ZSCAN5A: variants seen among roughly 807,000 people sequenced by gnomAD.
ZSCAN5A encodes zinc finger and SCAN domain-containing protein 5A.
In ZSCAN5A, 12 loss-of-function variants were observed where a neutral mutation model predicts 23.7. The ratio of observed to expected loss-of-function variants is 0.51; its 90% CI spans 0.32 to 0.82. ZSCAN5A has a LOEUF of 0.82. ZSCAN5A is among the 40% of genes least tolerant of loss of function. The pLI is 0.03. For missense variants in ZSCAN5A, 597 were observed against 617.9 expected, an observed-to-expected ratio of 0.97 and a Z score of 0.36; for synonymous variants, 257 against 239.9, an observed-to-expected ratio of 1.07 and a Z score of -0.66.
chr19:56,245,780 A>ATTGAGTG (rs2035840041), intron 2 of ZSCAN5A, among the ~76,000 whole-genome samples: 32 of 152,096 alleles, frequency 2.1e-4, no homozygotes, highest in Admixed American at 2.1e-3. Context: ...CAGATTGTCA[A>ATTGAGTG]TTTCTTAATT....
At chr19:56,278,999 A>G (rs1335661064) in intron 2 of ZSCAN5A, among the ~76,000 whole-genome samples, 1 of 152,180 alleles carries the variant, frequency 6.6e-6, no homozygotes. Flanking sequence ...TATCCTCCAG[A>G]AACACCTTCA....
Position 56,222,120 on chromosome 19 carries a change from C to T in ZSCAN5A, c.946G>A (p.Ala316Thr), listed in dbSNP as rs2033285013. 3 of 1,613,988 alleles carry T rather than the reference C, an allele frequency of 1.9e-6. No individual in the cohort carries two copies. Among genetic ancestry groups the T allele is most frequent in the Admixed American group, 1.7e-5 (1 of 59,986 alleles). Residue 316 changes from alanine to threonine, a missense_variant, in exon 6 of 6, where the codon GCC becomes ACC. Ala to Thr is a moderately conservative substitution (Grantham distance 58). This residue lies in a region of ZSCAN5A where 406 missense variants were observed against 353.2 expected (regional missense o/e 1.15). Transcript: ENST00000683990. Reference protein sequence around the residue: ...SISQEEPQGEATPVGNRESPG... With the variant: ...SISQEEPQGETTPVGNRESPG... ...GATTCTCTGTTGCCCACAGGTGTGG[C>T]TTCTCCTTGAGGCTCTTCTTGGGAA... is the stretch of plus-strand genomic sequence containing the variant.
intron 2 of ZSCAN5A, among the ~76,000 whole-genome samples, chr19:56,359,934 A>G (rs2041723830): frequency 6.6e-6 from 1 of 152,230 alleles, no homozygotes; most frequent in Non-Finnish European, 1.5e-5. Flanking sequence ...ATCCAAAATA[A>G]GAGCCATTTA....
At chr19:56,262,282 G>A (rs1451250992) in intron 2 of ZSCAN5A, among the ~76,000 whole-genome samples, 2 of 151,472 alleles carry the variant, frequency 1.3e-5, no homozygotes, top group Admixed American at 6.6e-5. Flanking sequence ...GCCTCCCAAA[G>A]TGCTAGGATT....
At chr19:56,342,716 G>A (rs1348352350) in intron 2 of ZSCAN5A, 1 of 652,616 alleles carries the variant, frequency 1.5e-6, no homozygotes, top group East Asian at 2.6e-5. Context: ...TTTTTCCTCT[G>A]GATTATATCT....
chr19:56,284,365 G>C (rs537937014), intron 2 of ZSCAN5A, among the ~76,000 whole-genome samples: 1 of 152,262 alleles, frequency 6.6e-6, no homozygotes, highest in African/African-American at 2.4e-5. Context: ...AAGAATTTCT[G>C]AGTATCTAGT....
rs562729820 is a variant in ZSCAN5A at position 56,258,157 on chromosome 19, A to G, written c.-127-32984T>C. 1.1e-4 allele frequency among the ~76,000 whole-genome samples: 17 copies of G among 152,330 alleles called. No individual in the cohort carries two copies. In the East Asian group the frequency reaches 3.3e-3, roughly 29 times the overall value. On this transcript the variant is annotated intron_variant, in intron 2 of 5. Transcript: ENST00000683990. ...CTGGGGGATTCTGCAAGCCTTTCGC[A>G]GGTTCCCAGGACTCAGCTCCCACCC... is the stretch of plus-strand genomic sequence containing the variant.
At chr19:56,223,909 A>C in intron 3 of ZSCAN5A, 75 bp from the exon 4 acceptor site, 1 of 1,308,194 alleles carries the variant, frequency 7.6e-7, no homozygotes, top group Non-Finnish European at 1.1e-6. Flanking sequence ...GGGTCCTGCC[A>C]TAATGCTCAC....
intron 2 of ZSCAN5A, chr19:56,281,827 C>A: frequency 2.7e-6 from 1 of 370,408 alleles, no homozygotes; most frequent in Non-Finnish European, 3.7e-6. Flanking sequence ...CAGATGTCCT[C>A]AATTCAAACA....
chr19:56,353,544 C>A (rs1002279993), intron 2 of ZSCAN5A, among the ~76,000 whole-genome samples: 13 of 151,854 alleles, frequency 8.6e-5, no homozygotes, highest in African/African-American at 2.7e-4. Flanking sequence ...CCGAGGCGGG[C>A]GAATCAGGAG....
At position 56,238,110 on chromosome 19, in the gene ZSCAN5A, G is replaced by A. The variant is rs902303667; in HGVS notation, c.-127-12937C>T. Among the ~76,000 whole-genome samples, 6 of 102,324 alleles carry A rather than the reference G, an allele frequency of 5.9e-5. No homozygotes were observed. The East Asian group carries it at 8.8e-4, about 15-fold the overall frequency. The allele number at this position is 102,324 out of a possible 152,430, so 67.1% of individuals were successfully genotyped here. On this transcript the variant is annotated intron_variant, in intron 2 of 5. Transcript: ENST00000683990. ...CACCCGGACACACGGAAACACATAC[G>A]AACACACACCCACACACAGACACAC...
chr19:56,345,508 C>T (rs2041625673), intron 2 of ZSCAN5A, among the ~76,000 whole-genome samples: 1 of 152,026 alleles, frequency 6.6e-6, no homozygotes, highest in Non-Finnish European at 1.5e-5. Context: ...AAGGAAACAA[C>T]TCAGGTGAAA....
At chr19:56,270,594 A>T (rs1175860998) in intron 2 of ZSCAN5A, among the ~76,000 whole-genome samples, 1 of 152,192 alleles carries the variant, frequency 6.6e-6, no homozygotes, top group Non-Finnish European at 1.5e-5. Flanking sequence ...AAACATTTTT[A>T]AATTGAGGTA....
chr19:56,259,180 TTG>T (rs2036943397), intron 2 of ZSCAN5A, among the ~76,000 whole-genome samples: 1 of 152,162 alleles, frequency 6.6e-6, no homozygotes, highest in African/African-American at 2.4e-5. Context: ...TGGAACAGCA[TTG>T]TGTCTTCCCA....
rs762089370 is a variant in ZSCAN5A at position 56,341,819 on chromosome 19, C to A, written c.-358+21416G>T. On this transcript the variant is annotated intron_variant, in intron 2 of 6. Coordinates refer to the ZSCAN5A transcript ENST00000587340. ...TGTTAGCATCAGGCAACAACAACAA[C>A]AAAAAACTGGAACCCAAGGAAAACA... 8.2e-5 allele frequency among the ~76,000 whole-genome samples: 12 copies of A among 145,478 alleles called. No individual in the cohort carries two copies. In the East Asian group the frequency reaches 1.4e-3, roughly 17 times the overall value.
At chr19:56,235,436 G>A (rs867670824) in intron 2 of ZSCAN5A, among the ~76,000 whole-genome samples, 30 of 44,872 alleles carry the variant, frequency 6.7e-4, no homozygotes, top group African/African-American at 2.6e-3. Context: ...CTCCACTCCA[G>A]CCTCTGATGG....
chr19:56,278,818 T>C (rs1203196893), intron 2 of ZSCAN5A, among the ~76,000 whole-genome samples: 1 of 152,144 alleles, frequency 6.6e-6, no homozygotes, highest in African/African-American at 2.4e-5. Flanking sequence ...CTGGAGTACC[T>C]GGAGTTCTGA....
At position 56,223,709 on chromosome 19, in the gene ZSCAN5A, G is replaced by T; in HGVS notation, c.510C>A (p.Asn170Lys). 1 of 1,613,784 alleles carries T rather than the reference G, an allele frequency of 6.2e-7. No homozygotes were observed. Among genetic ancestry groups the T allele is most frequent in the Non-Finnish European group, 8.5e-7 (1 of 1,179,976 alleles). ...CCTGGCCTTCCCCTGGACGCATCTG[G>T]TTCACCGAGGAGGCCCGTTGGCTGG... ...DVSSQRASSV[N>K]QMRPGEGQAH... is the part of the protein sequence containing the mutation. The change falls in exon 4 of 6, where the codon AAC becomes AAA. Residue 170 changes from asparagine (N) to lysine (K), a missense_variant. Asn to Lys is a moderately conservative substitution (Grantham distance 94). Around this residue, in one of 5 missense-constraint regions of ZSCAN5A, gnomAD observed 406 missense variants for 353.2 expected, o/e 1.15. Transcript: ENST00000683990.
intron 2 of ZSCAN5A, among the ~76,000 whole-genome samples, chr19:56,282,789 T>C (rs2038812107): frequency 6.6e-6 from 1 of 152,248 alleles, no homozygotes; most frequent in Admixed American, 6.5e-5. Flanking sequence ...TCAATTCAGG[T>C]CTACCTGACA....
Sources: allele counts gnomAD v4.1 joint callset (sites outside exome capture counted in the v4.1 genomes callset), GRCh38; gene constraint gnomAD v4.1.1; regional missense constraint gnomAD v4.1.1; transcripts MANE v1.5; gene names NCBI Gene and HGNC (gene_info 2026-07-23, HGNC 2026-07-21).